Variants in CCDC63 observed in about 807,000 individuals in gnomAD.
CCDC63 encodes the protein coiled-coil domain-containing protein 63.
A neutral mutation model predicts 63.6 loss-of-function variants in CCDC63; 54 were observed. The observed-to-expected ratio is 0.85, with a 90% CI of 0.68 to 1.07. The LOEUF (loss-of-function observed/expected upper bound fraction) is 1.07. CCDC63 is among the 50% of genes least tolerant of loss of function. CCDC63 has a pLI of 0.00. For synonymous variants in CCDC63, 253 were observed against 266.1 expected, an observed-to-expected ratio of 0.95 and a Z score of 0.48; for missense variants, 637 against 689.6, an observed-to-expected ratio of 0.92 and a Z score of 0.86.
intron 10 of CCDC63, 105 bp downstream of exon 10, chr12:110,899,230 G>C: frequency 9.7e-7 from 1 of 1,034,638 alleles, no homozygotes; most frequent in South Asian, 1.8e-5. Context: ...TTGTGGCAAA[G>C]TGTGTGGGCA....
intron 8 of CCDC63, among the ~76,000 whole-genome samples, chr12:110,888,428 T>C (rs1022136402): frequency 6.6e-6 from 1 of 152,206 alleles, no homozygotes; most frequent in Non-Finnish European, 1.5e-5. Flanking sequence ...ATGACAAATA[T>C]GTCTAAGATG....
chr12:110,867,110 G>A (rs562854574), intron 4 of CCDC63, among the ~76,000 whole-genome samples: 16,072 of 115,420 alleles, frequency 0.14, 1,875 homozygotes, highest in Admixed American at 0.18. Context: ...CGGGGCGGCT[G>A]GCCGGGCAGG....
rs34855503 is a variant in CCDC63 at position 110,856,844 on chromosome 12, CTTTTTTTTT to C, written c.180-1730_180-1722del. Among the ~76,000 whole-genome samples, 729 of 115,528 alleles carry C rather than the reference CTTTTTTTTT, an allele frequency of 6.3e-3. 1 individual carries two copies. Among genetic ancestry groups the C allele is most frequent in the African/African-American group, 0.02 (682 of 33,394 alleles). 75.8% of individuals were successfully genotyped at this position (115,528 alleles called of 152,430 possible). On this transcript the variant is annotated intron_variant, in intron 3 of 11. Transcript: ENST00000308208. ...GTCCTAGGACATTTTCCTTTCCTTT[CTTTTTTTTT>C]TTTTTTTTTTTGAGACAGGGTCTCA...
chr12:110,845,975 A>G (rs1189588403), upstream of CCDC63: 2 of 150,952 alleles, frequency 1.3e-5, no homozygotes, highest in Non-Finnish European at 2.9e-5. Context: ...AAAAAAAAAA[A>G]AAAAAAGAAA....
chr12:110,863,071 T>C (rs1424856321), intron 4 of CCDC63, among the ~76,000 whole-genome samples: 1 of 152,156 alleles, frequency 6.6e-6, no homozygotes, highest in Non-Finnish European at 1.5e-5. Context: ...TTTTATTTCA[T>C]TGGTGAGTTA....
intron 4 of CCDC63, among the ~76,000 whole-genome samples, chr12:110,871,646 T>A (rs1172634877): frequency 6.6e-6 from 1 of 151,708 alleles, no homozygotes; most frequent in Non-Finnish European, 1.5e-5. Flanking sequence ...TCCACTGAGT[T>A]GTTAATTACA....
At position 110,853,452 on chromosome 12, in the gene CCDC63, G is replaced by A. The variant is rs116333453; in HGVS notation, c.57G>A (p.Ser19=). The part of the protein sequence containing the change: ...RKDSDTPQEP[S]EKAKEQQAEA... ...ACTCCGACACTCCCCAGGAACCTTC[G>A]GAGAAGGCCAAAGAGCAGCAGGCGG... The change falls in exon 3 of 12, where the codon TCG becomes TCA. Residue 19 remains serine, a synonymous_variant. Coordinates refer to ENST00000308208, the MANE Select transcript of CCDC63 (RefSeq NM_152591.3). The A allele has an allele frequency of 4.9e-4, 790 of 1,614,030 alleles. 5 individuals carry two copies. The East Asian group carries it at 0.01, about 21-fold the overall frequency.
At chr12:110,856,944 G>C (rs2070779737) in intron 3 of CCDC63, among the ~76,000 whole-genome samples, 2 of 150,722 alleles carry the variant, frequency 1.3e-5, no homozygotes, top group Non-Finnish European at 3.0e-5. Context: ...TGCCACCTGG[G>C]CTCAAGCAAT....
In CCDC63 at chr12:110,873,831, C is replaced by A; in HGVS notation, c.370-11C>A. 1 of 1,612,104 alleles carries A rather than the reference C, an allele frequency of 6.2e-7. No individual in the cohort carries two copies. Among genetic ancestry groups the A allele is most frequent in the South Asian group, 1.1e-5 (1 of 90,822 alleles). Reference sequence around the variant, plus strand: ...ACACAGCTGGAATTTCTCTCTCTCTCTCTTTTTCAGATTCTTCAGATGGAA... The same window carrying A: ...ACACAGCTGGAATTTCTCTCTCTCTATCTTTTTCAGATTCTTCAGATGGAA... On this transcript the variant is annotated splice_polypyrimidine_tract_variant and intron_variant, in intron 4 of 11. Coordinates refer to ENST00000308208, the MANE Select transcript of CCDC63 (RefSeq NM_152591.3).
intron 8 of CCDC63, among the ~76,000 whole-genome samples, chr12:110,886,342 C>T (rs1376864573): frequency 1.3e-5 from 2 of 151,910 alleles, no homozygotes; most frequent in Non-Finnish European, 2.9e-5. Flanking sequence ...GCCGAGATGG[C>T]GCCACTGCAC....
intron 1 of CCDC63, among the ~76,000 whole-genome samples, chr12:110,848,106 A>G (rs2070662855): frequency 6.6e-6 from 1 of 152,244 alleles, no homozygotes; most frequent in Non-Finnish European, 1.5e-5. Context: ...CCTAACAGGA[A>G]CTGCAAATTC....
upstream of CCDC63, among the ~76,000 whole-genome samples, chr12:110,844,650 C>A (rs1253092844): frequency 6.6e-6 from 1 of 152,176 alleles, no homozygotes; most frequent in Non-Finnish European, 1.5e-5. Flanking sequence ...GATTCCCAGT[C>A]ATTGGCAAGG....
At chr12:110,855,142 G>C (rs886585958) in intron 3 of CCDC63, among the ~76,000 whole-genome samples, 1 of 152,208 alleles carries the variant, frequency 6.6e-6, no homozygotes, top group Non-Finnish European at 1.5e-5. Context: ...CAGGGCCAGG[G>C]CTAGCCCATA....
At chr12:110,856,501 G>A (rs2070772691) in intron 3 of CCDC63, among the ~76,000 whole-genome samples, 1 of 152,136 alleles carries the variant, frequency 6.6e-6, no homozygotes, top group Non-Finnish European at 1.5e-5. Context: ...GGGCAGAAGA[G>A]TCCCCAGGCT....
At chr12:110,850,459 A>G (rs957702330) in intron 1 of CCDC63, among the ~76,000 whole-genome samples, 3 of 152,136 alleles carry the variant, frequency 2.0e-5, no homozygotes, top group African/African-American at 7.2e-5. Flanking sequence ...AGAAGCATCC[A>G]GGCTGGACGT....
Position 110,862,751 on chromosome 12 carries a change from CTTTTCTTTTTTT to C in CCDC63, c.369+3989_369+4000del, listed in dbSNP as rs775181584. Among the ~76,000 whole-genome samples the C allele has an allele frequency of 1.5e-4, 22 of 151,042 alleles. No individual in the cohort carries two copies. In the South Asian group the frequency reaches 2.5e-3, roughly 17 times the overall value. On this transcript the variant is annotated intron_variant, in intron 4 of 11. Transcript: ENST00000308208. ...TGGTTGTTTTCTTTCTTTTCTTTTT[CTTTTCTTTTTTT>C]TTTTCTTTTTTTGAGACCATCTCAC...
At position 110,878,590 on chromosome 12, in the gene CCDC63, C is replaced by T. The variant is rs556365758; in HGVS notation, c.490-1316C>T. On this transcript the variant is annotated intron_variant, in intron 5 of 11. Coordinates refer to ENST00000308208, the MANE Select transcript of CCDC63 (RefSeq NM_152591.3). ...TTGGCCTCCCAAAGTGCTGGGATTA[C>T]AGGTGTGAGCCACTGTGCCCAGCCC... 3.9e-5 allele frequency among the ~76,000 whole-genome samples: 6 copies of T among 152,372 alleles called. No homozygotes were observed. In the East Asian group the frequency reaches 9.6e-4, roughly 24 times the overall value.
upstream of CCDC63, chr12:110,846,745 G>C (rs2070641875): frequency 6.6e-6 from 1 of 152,196 alleles, no homozygotes; most frequent in Non-Finnish European, 1.5e-5. Context: ...TAAGACTGTT[G>C]ATTGACTCAA....
intron 8 of CCDC63, among the ~76,000 whole-genome samples, chr12:110,885,604 C>G (rs10849913): frequency 0.42 from 63,271 of 151,800 alleles, 14,937 homozygotes; most frequent in African/African-American, 0.66. Flanking sequence ...CCCTCCGCCA[C>G]TGCCTTCCCG....
Sources: gnomAD v4.1 joint callset for allele counts (sites outside exome capture counted in the v4.1 genomes callset) on GRCh38, gnomAD v4.1.1 for gene constraint, MANE v1.5 for transcripts, NCBI Gene and HGNC (gene_info 2026-07-23, HGNC 2026-07-21) for gene names.